ZNF547: variants seen among roughly 807,000 people sequenced by gnomAD.
ZNF547 encodes zinc finger protein 547.
A neutral mutation model predicts 7.7 loss-of-function variants in ZNF547; 4 were observed. The ratio of observed to expected loss-of-function variants is 0.52; its 90% CI spans 0.26 to 1.20. ZNF547 has a LOEUF of 1.20. Among genes scored for constraint, ZNF547 ranks in the 50% most tolerant of loss-of-function variants. The pLI is 0.14. For missense variants in ZNF547, 449 were observed against 485.8 expected, an observed-to-expected ratio of 0.92 and a Z score of 0.71; for synonymous variants, 166 against 166.2, an observed-to-expected ratio of 1.00 and a Z score of 0.01.
In ZNF547 at chr19:57,377,919, C is replaced by G; in HGVS notation, c.943C>G (p.Gln315Glu). 1 of 1,614,126 alleles carries G rather than the reference C, an allele frequency of 6.2e-7. No homozygotes were observed. Among genetic ancestry groups the G allele is most frequent in the African/African-American group, 1.3e-5 (1 of 75,008 alleles). ...GGAAAGGTCTACACTCAGTAGACAT[C>G]AGAGAGTTCACACTGGAGAAAGGCC... ...FMERSTLSRH[Q>E]RVHTGERPYE... The change falls in exon 4 of 4, where the codon CAG becomes GAG. Residue 315 changes from glutamine (Q) to glutamate (E), a missense_variant. Coordinates refer to ENST00000282282, the MANE Select transcript of ZNF547 (RefSeq NM_173631.4).
chr19:57,369,539 C>T (rs143923935), intron 2 of ZNF547, among the ~76,000 whole-genome samples: 2,131 of 152,120 alleles, frequency 0.014, 25 homozygotes, highest in Middle Eastern at 0.041. Flanking sequence ...GTGACAGCAT[C>T]TCTAGGTTAT....
At chr19:57,376,558 T>C (rs2088537412) in intron 3 of ZNF547, among the ~76,000 whole-genome samples, 1 of 152,192 alleles carries the variant, frequency 6.6e-6, no homozygotes, top group South Asian at 2.1e-4. Context: ...TCTAAAGATA[T>C]AAGTGATTAA....
rs990515262 is a variant in ZNF547 at position 57,373,170 on chromosome 19, A to G, written c.151+1262A>G. Among the ~76,000 whole-genome samples, 7 of 152,334 alleles carry G rather than the reference A, an allele frequency of 4.6e-5. No individual in the cohort carries two copies. In the East Asian group the frequency reaches 9.6e-4, roughly 21 times the overall value. The stretch of plus-strand genomic sequence containing the variant: ...GGGAGGCCTCAGGAAACTTACAGTC[A>G]TGGCGGAAGGCAAAGGAGAACTAGG... On this transcript the variant is annotated intron_variant, in intron 3 of 3. Coordinates refer to ENST00000282282, the MANE Select transcript of ZNF547 (RefSeq NM_173631.4).
At chr19:57,368,642 A>G (rs2088485857) in intron 2 of ZNF547, 63 bp downstream of exon 2, 1 of 1,547,538 alleles carries the variant, frequency 6.5e-7, no homozygotes, top group South Asian at 1.1e-5. Flanking sequence ...TGGCACCTCC[A>G]TGTAAAGAAA....
intron 2 of ZNF547, among the ~76,000 whole-genome samples, chr19:57,369,918 T>TTTTTTG: frequency 7.3e-6 from 1 of 136,914 alleles, no homozygotes; most frequent in African/African-American, 2.7e-5. Flanking sequence ...TTTTTTTTTT[T>TTTTTTG]TTTTTGAGAT....
At position 57,377,847 on chromosome 19, in the gene ZNF547, A is replaced by G. The variant is rs957347048; in HGVS notation, c.871A>G (p.Thr291Ala). The change falls in exon 4 of 4, where the codon ACA becomes GCA. Residue 291 changes from threonine to alanine, a missense_variant. Physicochemically the swap from Thr to Ala is moderately conservative, Grantham distance 58. Coordinates refer to ENST00000282282, the MANE Select transcript of ZNF547 (RefSeq NM_173631.4). ...CCTCTTTAGGCATTACAGAATTCATACAGGAAAAAGGTCTTATGGTTGCAG... is the reference window on the plus strand; with the variant it reads ...CCTCTTTAGGCATTACAGAATTCATGCAGGAAAAAGGTCTTATGGTTGCAG... ...SNLFRHYRIH[T>A]GKRSYGCSEC... The G allele has an allele frequency of 1.9e-6, 3 of 1,613,992 alleles. No individual in the cohort carries two copies. The highest frequency in any genetic ancestry group is 2.5e-6 in the Non-Finnish European group (3 of 1,180,024).
chr19:57,363,856 C>T (rs1353672466), intron 1 of ZNF547, 153 bp downstream of exon 1: 1 of 152,366 alleles, frequency 6.6e-6, no homozygotes, highest in African/African-American at 2.4e-5. Flanking sequence ...TTGATGCAGC[C>T]TCAGAGCTCC....
At chr19:57,372,390 T>C (rs986582274) in intron 3 of ZNF547, among the ~76,000 whole-genome samples, 1 of 152,220 alleles carries the variant, frequency 6.6e-6, no homozygotes, top group African/African-American at 2.4e-5. Context: ...GGGAATGTGC[T>C]GTCTTGTCTC....
chr19:57,378,312 C>A lies in ZNF547; in HGVS notation c.*127C>A. The stretch of plus-strand genomic sequence containing the variant: ...CGTGGGTAATTATGTAGGTACAGCT[C>A]TCCAGTCGCTATGTATCAGAGAATT... On this transcript the variant is annotated 3_prime_UTR_variant, in exon 4 of 4. Transcript: ENST00000282282. 1.2e-6 allele frequency: 1 copy of A among 831,312 alleles called. No individual in the cohort carries two copies. Among genetic ancestry groups the A allele is most frequent in the Non-Finnish European group, 1.9e-6 (1 of 514,160 alleles). The allele number at this position is 831,312 out of a possible 1,614,324, so 51.5% of individuals were successfully genotyped here. A position where few individuals can be genotyped will look rare whatever the true frequency, so the allele number is the denominator to read the frequency against.
intron 3 of ZNF547, among the ~76,000 whole-genome samples, chr19:57,372,616 GT>G (rs1277197961): frequency 6.6e-6 from 1 of 152,238 alleles, no homozygotes; most frequent in Non-Finnish European, 1.5e-5. Flanking sequence ...GACCCCTGTT[GT>G]TTAGTTGAAG....
Position 57,375,928 on chromosome 19 carries a change from C to T in ZNF547, c.152-1200C>T, listed in dbSNP as rs1307719759. Among the ~76,000 whole-genome samples, 5 of 151,634 alleles carry T rather than the reference C, an allele frequency of 3.3e-5. No homozygotes were observed. In the East Asian group the frequency reaches 7.8e-4, roughly 24 times the overall value. On this transcript the variant is annotated intron_variant, in intron 3 of 3. Transcript: ENST00000282282. Reference sequence around the variant, plus strand: ...CTGTAATCCCAGCACTTTGGGAGGCCGAGGAGGGCGGATCACCTGAGGTCA... The same window carrying T: ...CTGTAATCCCAGCACTTTGGGAGGCTGAGGAGGGCGGATCACCTGAGGTCA...
chr19:57,378,535 G>A lies in ZNF547; in HGVS notation c.*350G>A, dbSNP rs1448454014. On this transcript the variant is annotated 3_prime_UTR_variant, in exon 4 of 4. Coordinates refer to ENST00000282282, the MANE Select transcript of ZNF547 (RefSeq NM_173631.4). ...TGAAAGTCTTCTGAGTACAGCAAAT[G>A]TGTGACATTATTTTGCTACTACTCC... is the stretch of plus-strand genomic sequence containing the variant. 7 of 430,852 alleles carry A rather than the reference G, an allele frequency of 1.6e-5. No individual in the cohort carries two copies. In the East Asian group the frequency reaches 3.7e-4, roughly 23 times the overall value. 26.7% of individuals were successfully genotyped at this position (430,852 alleles called of 1,614,324 possible).
chr19:57,369,759 G>A (rs1404012095), intron 2 of ZNF547, among the ~76,000 whole-genome samples: 1 of 151,998 alleles, frequency 6.6e-6, no homozygotes, highest in Non-Finnish European at 1.5e-5. Context: ...GAGGGTAATA[G>A]GGTGAGGTCG....
intron 1 of ZNF547, 28 bp downstream of exon 1, chr19:57,363,731 C>CA (rs1555779290): frequency 0.015 from 2,230 of 151,362 alleles, 42 homozygotes; most frequent in African/African-American, 0.051. Flanking sequence ...GGCCCCCCCC[C>CA]ACCTCCGCCC....
chr19:57,374,708 A>G (rs2088525769), intron 3 of ZNF547, among the ~76,000 whole-genome samples: 1 of 152,240 alleles, frequency 6.6e-6, no homozygotes, highest in Non-Finnish European at 1.5e-5. Flanking sequence ...AAAGTTCCAC[A>G]GATATGTAGG....
In ZNF547 at chr19:57,378,281, C is replaced by T. The variant is rs1394914421; in HGVS notation, c.*96C>T. On this transcript the variant is annotated 3_prime_UTR_variant, in exon 4 of 4. Transcript: ENST00000282282. ...TACACACTGGAGAAAGACTGAATGC[C>T]GTGAACGTGGGTAATTATGTAGGTA... 19 of 1,142,290 alleles carry T rather than the reference C, an allele frequency of 1.7e-5. No homozygotes were observed. The highest frequency in any genetic ancestry group is 2.0e-5 in the Non-Finnish European group (16 of 793,162). 70.8% of individuals were successfully genotyped at this position (1,142,290 alleles called of 1,614,324 possible).
chr19:57,375,945 C>G (rs897172036), intron 3 of ZNF547, among the ~76,000 whole-genome samples: 1 of 151,730 alleles, frequency 6.6e-6, no homozygotes, highest in Non-Finnish European at 1.5e-5. Context: ...GGCGGATCAC[C>G]TGAGGTCAGG....
rs1341617331 is a variant in ZNF547, at chr19:57,377,224, C to T, written c.248C>T (p.Thr83Ile). Reference protein sequence around the residue: ...QVMAPKPCLSTQNTQPCETCS... With the variant: ...QVMAPKPCLSIQNTQPCETCS... Reference sequence around the variant, plus strand: ...ATGGCTCCAAAGCCCTGTCTATCTACCCAGAATACCCAGCCCTGTGAGACA... The same window carrying T: ...ATGGCTCCAAAGCCCTGTCTATCTATCCAGAATACCCAGCCCTGTGAGACA... The change falls in exon 4 of 4, where the codon ACC becomes ATC. Residue 83 changes from threonine (T) to isoleucine (I), a missense_variant. Coordinates refer to ENST00000282282, the MANE Select transcript of ZNF547 (RefSeq NM_173631.4). The T allele has an allele frequency of 1.2e-6, 2 of 1,614,064 alleles. No individual in the cohort carries two copies. Among genetic ancestry groups the T allele is most frequent in the African/African-American group, 1.3e-5 (1 of 74,928 alleles).
intron 1 of ZNF547, chr19:57,368,270 A>G: frequency 2.5e-6 from 1 of 405,056 alleles, no homozygotes. Context: ...ATATATGATG[A>G]GCAACGAGTG....
Sources: allele counts gnomAD v4.1 joint callset (sites outside exome capture counted in the v4.1 genomes callset), GRCh38; gene constraint gnomAD v4.1.1; transcripts MANE v1.5; gene names NCBI Gene and HGNC (gene_info 2026-07-23, HGNC 2026-07-21).